ZFP1: variants seen among roughly 807,000 people sequenced by gnomAD.
The protein encoded by ZFP1 is ZFP1 zinc finger protein.
A neutral mutation model predicts 38.5 loss-of-function variants in ZFP1; 32 were observed. That is an observed-to-expected ratio of 0.83 (90% confidence interval 0.63 to 1.12). The LOEUF (loss-of-function observed/expected upper bound fraction) is 1.12. Among genes scored for constraint, ZFP1 ranks in the 50% most tolerant of loss-of-function variants. ZFP1 has a pLI of 0.00. For synonymous variants in ZFP1, 245 were observed against 168.8 expected (o/e 1.45, Z -3.50); for missense variants, 616 against 480.8 (o/e 1.28, Z -2.63).
chr16:75,170,409 T>C lies in ZFP1; in HGVS notation c.*75T>C. 2 of 1,476,292 alleles carry C rather than the reference T, an allele frequency of 1.4e-6. No homozygotes were observed. Among genetic ancestry groups the C allele is most frequent in the East Asian group, 2.3e-5 (1 of 43,504 alleles). 91.4% of individuals were successfully genotyped at this position (1,476,292 alleles called of 1,614,324 possible). A position where few individuals can be genotyped will look rare whatever the true frequency, so the allele number is the denominator to read the frequency against. On this transcript the variant is annotated 3_prime_UTR_variant, in exon 4 of 4. Coordinates refer to ENST00000570010, the MANE Select transcript of ZFP1 (RefSeq NM_153688.4). ...CGGGTGAAAAACCTCATGACAGTAT[T>C]GAGGGAACATGGGAATTCATACTGA...
chr16:75,146,856 C>G (rs145389689), upstream of ZFP1, among the ~76,000 whole-genome samples: 143 of 147,910 alleles, frequency 9.7e-4, 2 homozygotes, highest in East Asian at 0.03. Flanking sequence ...GGGAGGGTCA[C>G]TTGAGCCCAG....
chr16:75,166,961 C>G, intron 3 of ZFP1, 65 bp downstream of exon 3: 1 of 1,554,312 alleles, frequency 6.4e-7, no homozygotes, highest in Non-Finnish European at 8.7e-7. Context: ...GTCTCAGTGA[C>G]CAGAAATGAG....
At chr16:75,137,260 G>A in the ZFP1 span, among the ~76,000 whole-genome samples, 1 of 152,034 alleles carries the variant, frequency 6.6e-6, no homozygotes, top group African/African-American at 2.4e-5. Flanking sequence ...AAACTAAGTA[G>A]AATAATATTG....
the ZFP1 span, among the ~76,000 whole-genome samples, chr16:75,129,120 G>A: frequency 6.6e-6 from 1 of 152,134 alleles, no homozygotes; most frequent in African/African-American, 2.4e-5. Context: ...ACTGATGTAT[G>A]GACTTCGGAG....
chr16:75,145,954 G>C (rs564153372), upstream of ZFP1, among the ~76,000 whole-genome samples: 1 of 152,214 alleles, frequency 6.6e-6, no homozygotes, highest in South Asian at 2.1e-4. Context: ...AGCATTAATT[G>C]TAACACACCC....
upstream of ZFP1, chr16:75,148,390 C>A (rs2036986272): frequency 6.6e-6 from 1 of 152,260 alleles, no homozygotes; most frequent in South Asian, 2.1e-4. Context: ...TCCTGAGAGT[C>A]CCTAAAGCCG....
chr16:75,144,302 T>TAGA (rs2036920860), upstream of ZFP1: 1 of 152,226 alleles, frequency 6.6e-6, no homozygotes, highest in East Asian at 1.9e-4. Context: ...AAAATAGGAT[T>TAGA]ACGCTGCACA....
At chr16:75,128,559 C>A in the ZFP1 span, among the ~76,000 whole-genome samples, 1 of 152,164 alleles carries the variant, frequency 6.6e-6, no homozygotes, top group Non-Finnish European at 1.5e-5. Flanking sequence ...TTTTTCAATT[C>A]TTATTATTAT....
chr16:75,168,894 A>C (rs535880309), intron 3 of ZFP1, among the ~76,000 whole-genome samples: 1 of 152,248 alleles, frequency 6.6e-6, no homozygotes, highest in Non-Finnish European at 1.5e-5. Context: ...TCTCTGTGCT[A>C]ACTGCAGTGT....
intron 3 of ZFP1, among the ~76,000 whole-genome samples, chr16:75,167,306 A>G (rs2038145260): frequency 6.6e-6 from 1 of 152,188 alleles, no homozygotes; most frequent in African/African-American, 2.4e-5. Context: ...CTGTTTTTCA[A>G]ATCCCTAACA....
the ZFP1 span, among the ~76,000 whole-genome samples, chr16:75,133,824 G>A: frequency 6.6e-6 from 1 of 152,180 alleles, no homozygotes; most frequent in Non-Finnish European, 1.5e-5. Context: ...TGAGGCGGGT[G>A]GATCACTTGA....
At position 75,166,578 on chromosome 16, in the gene ZFP1, G is replaced by A. The variant is rs2038094423; in HGVS notation, c.16-192G>A. 5 of 985,112 alleles carry A rather than the reference G, an allele frequency of 5.1e-6. No individual in the cohort carries two copies. The South Asian group carries it at 2.3e-4, about 46-fold the overall frequency. The allele number at this position is 985,112 out of a possible 1,614,324, so 61.0% of individuals were successfully genotyped here. A position where few individuals can be genotyped will look rare whatever the true frequency, so the allele number is the denominator to read the frequency against. ...ACCTATCAAATATGACAGTGCCAGA[G>A]ATATAGGGGAATCTGAATAAATCTC... is the stretch of plus-strand genomic sequence containing the variant. On this transcript the variant is annotated intron_variant, in intron 2 of 3. Coordinates refer to ENST00000570010, the MANE Select transcript of ZFP1 (RefSeq NM_153688.4).
At chr16:75,123,514 CT>C in the ZFP1 span, among the ~76,000 whole-genome samples, 9 of 99,660 alleles carry the variant, frequency 9.0e-5, no homozygotes, top group East Asian at 7.2e-4. Context: ...GGAAAACATT[CT>C]TTTTTTTTGG....
chr16:75,166,965 A>C, intron 3 of ZFP1, 69 bp downstream of exon 3: 1 of 1,547,866 alleles, frequency 6.5e-7, no homozygotes, highest in East Asian at 2.3e-5. Flanking sequence ...CAGTGACCAG[A>C]AATGAGCTTC....
rs150893330 is a variant in ZFP1 at position 75,153,591 on chromosome 16, A to G, written c.15+625A>G. Among the ~76,000 whole-genome samples, 170 of 152,270 alleles carry G rather than the reference A, an allele frequency of 1.1e-3. 2 individuals are homozygous for G. The highest frequency in any genetic ancestry group is 9.6e-3 in the South Asian group (46 of 4,814). ...GGTTTACAGAAAAATTGAATGGGGAATGCAGTGTGTTCCCATATACCCCCT... is the reference window on the plus strand; with the variant it reads ...GGTTTACAGAAAAATTGAATGGGGAGTGCAGTGTGTTCCCATATACCCCCT... On this transcript the variant is annotated intron_variant, in intron 2 of 3. Transcript: ENST00000570010.
chr16:75,148,986 A>C (rs897671444), intron 1 of ZFP1: 1 of 151,298 alleles, frequency 6.6e-6, no homozygotes, highest in Non-Finnish European at 1.5e-5. Flanking sequence ...GCGCGGGACG[A>C]GGCCCCGCCG....
chr16:75,138,024 CTTTTTTTTTTTTTT>C, the ZFP1 span, among the ~76,000 whole-genome samples: 3 of 64,936 alleles, frequency 4.6e-5, no homozygotes, highest in African/African-American at 7.4e-5. Context: ...CTCCCACTTC[CTTTTTTTTTTTTTT>C]TTTTTTTTTT....
chr16:75,147,298 T>A (rs963493752), upstream of ZFP1, among the ~76,000 whole-genome samples: 1 of 152,116 alleles, frequency 6.6e-6, no homozygotes, highest in Admixed American at 6.6e-5. Flanking sequence ...TTTTAATTTA[T>A]ACTTTTTGAG....
At chr16:75,164,818 T>A (rs939895669) in intron 2 of ZFP1, among the ~76,000 whole-genome samples, 1 of 152,182 alleles carries the variant, frequency 6.6e-6, no homozygotes, top group Non-Finnish European at 1.5e-5. Context: ...AGTTTTTTTT[T>A]TTTTTTGAGG....
Sources: allele counts gnomAD v4.1 joint callset (sites outside exome capture counted in the v4.1 genomes callset), GRCh38; gene constraint gnomAD v4.1.1; transcripts MANE v1.5; gene names NCBI Gene and HGNC (gene_info 2026-07-23, HGNC 2026-07-21).